FGF13: variants seen among roughly 807,000 people sequenced by gnomAD.
FGF13 encodes fibroblast growth factor homologous factor 2.
Under a neutral mutation model 19.5 loss-of-function variants are expected in FGF13, and 2 were observed. The observed-to-expected ratio is 0.10, with a 90% confidence interval of 0.04 to 0.32. The LOEUF is 0.32. Among genes scored for constraint, FGF13 ranks in the 10% least tolerant of loss-of-function variants. The probability of loss-of-function intolerance (pLI) is 1.00; values close to 1 mark genes in which losing one functional copy is unlikely to be tolerated. For missense variants in FGF13, 113 were observed against 192.7 expected (o/e 0.59, Z 2.45); for synonymous variants, 72 against 76.9 (o/e 0.94, Z 0.33).
At chrX:139,171,136 G>A (rs1192390742) in intron 1 of FGF13, among the ~76,000 whole-genome samples, 7 of 110,679 alleles carry the variant, frequency 6.3e-5, no homozygotes, top group African/African-American at 2.3e-4. Context: ...GACTTATCCT[G>A]AGCAGCCAAC....
intron 1 of FGF13, among the ~76,000 whole-genome samples, chrX:138,965,126 C>G (rs1240530032): frequency 8.9e-6 from 1 of 112,295 alleles, no homozygotes; most frequent in Non-Finnish European, 1.9e-5. Context: ...GATGAAAGAA[C>G]AAAAGGAGGA....
At position 138,626,858 on chromosome X, in the gene FGF13, G is replaced by A. The variant is rs1012705685; in HGVS notation, c.*5992C>T. ...TTAAGACCCATGAAAGTCAAATATT[G>A]TTCAAGCTGTTTTATTCAGCTGTTT... On this transcript the variant is annotated 3_prime_UTR_variant, in exon 5 of 5. Transcript: ENST00000315930. 1.8e-5 allele frequency: 2 copies of A among 111,901 alleles called. No homozygotes were observed. The highest frequency in any genetic ancestry group is 3.8e-5 in the Non-Finnish European group (2 of 53,206). 9.2% of individuals were successfully genotyped at this position (111,901 alleles called of 1,213,427 possible).
chrX:138,770,490 C>T (rs1268610832), intron 3 of FGF13, among the ~76,000 whole-genome samples: 1 of 111,242 alleles, frequency 9.0e-6, no homozygotes, highest in East Asian at 2.8e-4. Context: ...CTTTCATTTA[C>T]ATCCTGCTTA....
intron 1 of FGF13, among the ~76,000 whole-genome samples, chrX:139,085,539 C>T (rs1281499575): frequency 8.9e-6 from 1 of 111,942 alleles, no homozygotes; most frequent in Non-Finnish European, 1.9e-5. Context: ...AGTGTGTTTG[C>T]AAAATAGGTG....
intron 1 of FGF13, among the ~76,000 whole-genome samples, chrX:138,970,128 A>G (rs1383555207): frequency 9.0e-6 from 1 of 111,713 alleles, no homozygotes; most frequent in Non-Finnish European, 1.9e-5. Context: ...ACGCCTATTT[A>G]TTCCTCATGG....
chrX:138,898,791 G>A (rs762077638), intron 1 of FGF13, among the ~76,000 whole-genome samples: 47 of 111,754 alleles, frequency 4.2e-4, no homozygotes, highest in South Asian at 7.5e-4. Flanking sequence ...GAGAATTTGC[G>A]TCATCTGCCT....
chrX:138,831,039 C>T (rs1184526594), intron 3 of FGF13, among the ~76,000 whole-genome samples: 2 of 110,666 alleles, frequency 1.8e-5, no homozygotes, highest in Non-Finnish European at 3.8e-5. Context: ...GCACAGTGTC[C>T]CCTGGCCAAC....
At chrX:139,199,305 T>TCC (rs1569463767) in intron 1 of FGF13, among the ~76,000 whole-genome samples, 7 of 109,477 alleles carry the variant, frequency 6.4e-5, no homozygotes, top group African/African-American at 2.5e-4. Context: ...ACATGGTTTT[T>TCC]CCCCCCTCCT....
intron 1 of FGF13, among the ~76,000 whole-genome samples, chrX:139,144,374 C>T (rs1175781837): frequency 8.9e-6 from 1 of 112,255 alleles, no homozygotes; most frequent in Non-Finnish European, 1.9e-5. Flanking sequence ...AGACACTCCC[C>T]TTTTGGGGAA....
At chrX:138,654,520 C>T (rs923216242) in intron 3 of FGF13, among the ~76,000 whole-genome samples, 24 of 111,270 alleles carry the variant, frequency 2.2e-4, no homozygotes, top group Non-Finnish European at 4.5e-4. Context: ...GTGGGCGGAT[C>T]GCTTGAGGTC....
chrX:138,694,452 T>TTTTC (rs2124216836), intron 3 of FGF13, among the ~76,000 whole-genome samples: 2 of 87,339 alleles, frequency 2.3e-5, no homozygotes, highest in East Asian at 6.9e-4. Context: ...TTTTCTTTTC[T>TTTTC]TTTTTTTTTT....
intron 1 of FGF13, among the ~76,000 whole-genome samples, chrX:139,173,724 C>A (rs1329392602): frequency 7.2e-5 from 8 of 111,471 alleles, no homozygotes; most frequent in Admixed American, 2.9e-4. Flanking sequence ...CCTGCAAAGG[C>A]CATAAACTCA....
chrX:138,848,422 G>A (rs924146786), intron 3 of FGF13, among the ~76,000 whole-genome samples: 1 of 110,861 alleles, frequency 9.0e-6, no homozygotes, highest in Non-Finnish European at 1.9e-5. Context: ...AACCCTGTTA[G>A]CACATTAGAA....
chrX:138,776,760 T>C (rs192263551), intron 3 of FGF13, among the ~76,000 whole-genome samples: 1 of 112,017 alleles, frequency 8.9e-6, no homozygotes, highest in African/African-American at 3.2e-5. Flanking sequence ...CTGAGTTCTT[T>C]TCTCTAAGCA....
intron 1 of FGF13, among the ~76,000 whole-genome samples, chrX:138,877,187 T>C (rs1423338619): frequency 1.8e-5 from 2 of 108,419 alleles, no homozygotes; most frequent in Non-Finnish European, 3.8e-5. Flanking sequence ...ATGGCACACG[T>C]ATACCTATGT....
intron 1 of FGF13, among the ~76,000 whole-genome samples, chrX:139,076,529 A>T (rs2083333648): frequency 8.9e-6 from 1 of 112,322 alleles, no homozygotes; most frequent in African/African-American, 3.2e-5. Context: ...AAAGCAATCA[A>T]CATTAGTGGG....
rs1197665643 is a variant in FGF13, at chrX:138,711,670, G to C, written c.-667C>G. Reference sequence around the variant, plus strand: ...CTGCTGCTCTGGGCGCGGCACAGTCGCAGCACAGGAATTCAGCCGCCGCAG... The same window carrying C: ...CTGCTGCTCTGGGCGCGGCACAGTCCCAGCACAGGAATTCAGCCGCCGCAG... On this transcript the variant is annotated 5_prime_UTR_variant, in exon 1 of 5. Coordinates refer to ENST00000315930, the MANE Select transcript of FGF13 (RefSeq NM_004114.5). 1 of 752,965 alleles carries C rather than the reference G, an allele frequency of 1.3e-6. No homozygotes were observed. The highest frequency in any genetic ancestry group is 8.6e-5 in the Admixed American group (1 of 11,585). 62.1% of individuals were successfully genotyped at this position (752,965 alleles called of 1,213,427 possible).
At chrX:138,689,844 T>C (rs967598754) in intron 3 of FGF13, among the ~76,000 whole-genome samples, 1 of 112,261 alleles carries the variant, frequency 8.9e-6, no homozygotes, top group African/African-American at 3.2e-5. Context: ...TGATCAGAGA[T>C]AGCAGTTAAA....
chrX:138,648,632 T>C (rs930941189), intron 3 of FGF13, among the ~76,000 whole-genome samples: 4 of 111,867 alleles, frequency 3.6e-5, no homozygotes, highest in African/African-American at 9.8e-5. Flanking sequence ...AGTATTATTT[T>C]TTTTAAATCC....
Sources: allele counts gnomAD v4.1 joint callset (sites outside exome capture counted in the v4.1 genomes callset), GRCh38; gene constraint gnomAD v4.1.1; transcripts MANE v1.5; gene names NCBI Gene and HGNC (gene_info 2026-07-23, HGNC 2026-07-21).